The following BET1 variants were observed in gnomAD, a reference collection of about 807,000 sequenced individuals.
BET1 encodes BET1 homolog.
Under a neutral mutation model 13.9 loss-of-function variants are expected in BET1, and 9 were observed. The ratio of observed to expected loss-of-function variants is 0.65; its 90% CI spans 0.39 to 1.13. The LOEUF (loss-of-function observed/expected upper bound fraction) is 1.13. BET1 is among the 50% of genes most tolerant of loss of function. The pLI is 0.01. For synonymous variants in BET1, 39 were observed against 47.3 expected (o/e 0.82, Z 0.72); for missense variants, 127 against 133.6 (o/e 0.95, Z 0.24).
rs1002879589 is a variant in BET1 at position 93,999,596 on chromosome 7, A to T, written c.20-302T>A. 1.1e-5 allele frequency: 5 copies of T among 470,184 alleles called. No individual in the cohort carries two copies. The Admixed American group carries it at 1.2e-4, about 11-fold the overall frequency. 29.1% of individuals were successfully genotyped at this position (470,184 alleles called of 1,614,324 possible). ...TAATACACAAGAATATTCAGGATAC[A>T]TTCCCTGCTCAAGAGAAACATATAT... On this transcript the variant is annotated intron_variant, in intron 1 of 3. Transcript: ENST00000222547.
intron 6 of BET1, among the ~76,000 whole-genome samples, chr7:93,967,354 CT>C (rs1216845099): frequency 3.3e-5 from 5 of 151,644 alleles, no homozygotes; most frequent in African/African-American, 1.2e-4. Flanking sequence ...AGTGGTAATC[CT>C]CATACTACAA....
rs1382951669 is a variant in BET1 at position 93,977,855 on chromosome 7, C to A, written c.236-1755G>T. Among the ~76,000 whole-genome samples, 4 of 152,208 alleles carry A rather than the reference C, an allele frequency of 2.6e-5. No individual in the cohort carries two copies. The East Asian group carries it at 7.7e-4, about 29-fold the overall frequency. On this transcript the variant is annotated intron_variant and NMD_transcript_variant, in intron 4 of 6. Coordinates refer to the BET1 transcript ENST00000357520. ...ATGACCACCCCATCATATTTATTGA[C>A]CAGAACCTGTGGAGTCTTTCTTTGT... is the stretch of plus-strand genomic sequence containing the variant.
chr7:93,992,608 C>T, downstream of BET1: 5 of 985,150 alleles, frequency 5.1e-6, no homozygotes, highest in Non-Finnish European at 6.0e-6. Flanking sequence ...ATGAAAATAC[C>T]TACTTGGAGG....
intron 4 of BET1, among the ~76,000 whole-genome samples, chr7:93,986,139 A>C (rs1479019378): frequency 6.6e-6 from 1 of 152,190 alleles, no homozygotes; most frequent in Middle Eastern, 3.2e-3. Context: ...ACCTATGTGC[A>C]TCCTCTTGAT....
chr7:93,979,138 A>G (rs549406628), intron 4 of BET1, among the ~76,000 whole-genome samples: 10 of 152,154 alleles, frequency 6.6e-5, no homozygotes, highest in East Asian at 5.8e-4. Context: ...CTGAGCCTAC[A>G]TCTGGCTTTC....
chr7:93,967,549 C>G (rs777299751), intron 6 of BET1, among the ~76,000 whole-genome samples: 1 of 151,574 alleles, frequency 6.6e-6, no homozygotes, highest in Non-Finnish European at 1.5e-5. Context: ...GGTTTTTTGT[C>G]TTTGCAATTG....
In BET1 at chr7:93,968,008, T is replaced by C. The variant is rs561736131; in HGVS notation, c.*138-2321A>G. ...GATGTTAAAATGACATCCCATTTTA[T>C]CCTTCCATTTTCTTAACGTAATAAT... On this transcript the variant is annotated intron_variant and NMD_transcript_variant, in intron 6 of 6. Coordinates refer to the BET1 transcript ENST00000357520. Among the ~76,000 whole-genome samples the C allele has an allele frequency of 3.8e-3, 576 of 151,892 alleles. 2 individuals carry two copies. Among genetic ancestry groups the C allele is most frequent in the Non-Finnish European group, 5.3e-3 (360 of 67,778 alleles).
At chr7:93,968,167 A>G (rs893374178) in intron 6 of BET1, among the ~76,000 whole-genome samples, 7 of 152,010 alleles carry the variant, frequency 4.6e-5, no homozygotes, top group African/African-American at 7.2e-5. Flanking sequence ...ATTAGCAAAC[A>G]TAACTAACCA....
At chr7:93,982,710 A>G (rs1795449402) in intron 4 of BET1, among the ~76,000 whole-genome samples, 1 of 152,126 alleles carries the variant, frequency 6.6e-6, no homozygotes, top group Non-Finnish European at 1.5e-5. Context: ...CTCCAAAGAC[A>G]CTATTTCCAA....
chr7:93,998,991 C>G (rs1054122625), intron 2 of BET1, among the ~76,000 whole-genome samples, 179 bp downstream of exon 2: 5 of 152,020 alleles, frequency 3.3e-5, no homozygotes, highest in Non-Finnish European at 7.4e-5. Context: ...TTTTGATGTG[C>G]CACATTTTTT....
chr7:93,996,461 C>T (rs1795774038), intron 2 of BET1, 140 bp from the exon 3 acceptor site: 1 of 550,806 alleles, frequency 1.8e-6, no homozygotes, highest in East Asian at 3.2e-5. Context: ...TTTTCTGATA[C>T]TTTTTCTACC....
Position 93,993,681 on chromosome 7 carries a change from A to G in BET1, c.*549T>C. ...TGAGGTCTTTGGGCAGAAAGAAATGAGGGGTCATTATCATCAAAAATTATT... is the reference window on the plus strand; with the variant it reads ...TGAGGTCTTTGGGCAGAAAGAAATGGGGGGTCATTATCATCAAAAATTATT... On this transcript the variant is annotated 3_prime_UTR_variant, in exon 4 of 4. Coordinates refer to ENST00000222547, the MANE Select transcript of BET1 (RefSeq NM_005868.6). 2 of 1,336,622 alleles carry G rather than the reference A, an allele frequency of 1.5e-6. No homozygotes were observed. The highest frequency in any genetic ancestry group is 1.9e-6 in the Non-Finnish European group (2 of 1,050,086). 82.8% of individuals were successfully genotyped at this position (1,336,622 alleles called of 1,614,324 possible). A position where few individuals can be genotyped will look rare whatever the true frequency, so the allele number is the denominator to read the frequency against.
At chr7:93,980,972 G>A (rs554944761) in intron 4 of BET1, among the ~76,000 whole-genome samples, 72 of 152,222 alleles carry the variant, frequency 4.7e-4, no homozygotes, top group East Asian at 1.7e-3. Flanking sequence ...CGCCATTTAC[G>A]TATCTTAGTA....
At chr7:93,982,556 T>G (rs1458938704) in intron 4 of BET1, among the ~76,000 whole-genome samples, 1 of 152,124 alleles carries the variant, frequency 6.6e-6, no homozygotes, top group Non-Finnish European at 1.5e-5. Flanking sequence ...CTCAAGAGAC[T>G]GAAGGTATGG....
chr7:93,964,677 C>CA (rs1363314628), exon 7 of BET1: 1 of 151,908 alleles, frequency 6.6e-6, no homozygotes, highest in East Asian at 1.9e-4. Flanking sequence ...GACACTTCTC[C>CA]AAAGAAGCCA....
chr7:93,973,285 G>T (rs1011960436), intron 5 of BET1, among the ~76,000 whole-genome samples: 1 of 151,854 alleles, frequency 6.6e-6, no homozygotes, highest in African/African-American at 2.4e-5. Context: ...CTAAGCAAAA[G>T]CCTGGCATTT....
chr7:93,999,291 T>C lies in BET1; in HGVS notation c.23A>G (p.Glu8Gly). 6.2e-7 allele frequency: 1 copy of C among 1,608,794 alleles called. No homozygotes were observed. The change falls in exon 2 of 4, where the codon GAA (glutamate) becomes GGA (glycine). Residue 8 changes from glutamate (E) to glycine (G), a missense_variant. Physicochemically the swap from Glu to Gly is moderately conservative, Grantham distance 98. Transcript: ENST00000222547. MRRAGLGEGVPPGNYGNY... is the reference protein window; with the variant it reads MRRAGLGGGVPPGNYGNY... ...CCCATAGTTGCCAGGAGGTACTCCT[T>C]CACCTGCAAGGATCAGAGTCACAAA...
downstream of BET1, among the ~76,000 whole-genome samples, chr7:93,989,405 T>A (rs1215839485): frequency 6.6e-6 from 1 of 152,098 alleles, no homozygotes; most frequent in Non-Finnish European, 1.5e-5. Flanking sequence ...TAAAAAAAAA[T>A]AAATTTAAGT....
At position 93,994,250 on chromosome 7, in the gene BET1, A is replaced by G; in HGVS notation, c.337T>C (p.Trp113Arg). 6.2e-7 allele frequency: 1 copy of G among 1,608,000 alleles called. No individual in the cohort carries two copies. The highest frequency in any genetic ancestry group is 8.5e-7 in the Non-Finnish European group (1 of 1,177,968). ...FSLFVFFIIY[W>R]IIKLR The stretch of plus-strand genomic sequence containing the variant: ...ATGCATCACCTCAGTTTAATAATCC[A>G]ATAAATGATAAAAAAGACAAATAAA... Residue 113 changes from tryptophan to arginine, a missense_variant, in exon 4 of 4, where the codon TGG becomes CGG. Transcript: ENST00000222547.
Sources: gnomAD v4.1 joint callset for allele counts (sites outside exome capture counted in the v4.1 genomes callset) on GRCh38, gnomAD v4.1.1 for gene constraint, MANE v1.5 for transcripts, NCBI Gene and HGNC (gene_info 2026-07-23, HGNC 2026-07-21) for gene names.